ASB3: variants seen among roughly 807,000 people sequenced by gnomAD.
ASB3 encodes the protein ankyrin repeat and SOCS box protein 3.
ASB3 carries 41 observed loss-of-function variants against 54.5 expected under a neutral mutation model. That is an observed-to-expected ratio of 0.75 (90% CI 0.59 to 0.98). The LOEUF (loss-of-function observed/expected upper bound fraction) is 0.98, where lower values mean the gene tolerates loss of function less well. Among genes scored for constraint, ASB3 ranks in the 50% least tolerant of loss-of-function variants. The pLI is 0.00. For synonymous variants in ASB3, 266 were observed against 221.2 expected (o/e 1.20, Z -1.80); for missense variants, 733 against 620.0 (o/e 1.18, Z -1.94).
intron 2 of ASB3, among the ~76,000 whole-genome samples, chr2:53,759,131 G>T (rs574872891): frequency 2.6e-5 from 4 of 152,194 alleles, no homozygotes; most frequent in Non-Finnish European, 5.9e-5. Flanking sequence ...TCAATGATAG[G>T]ATGACAACAG....
chr2:53,755,099 T>C (rs993416650), intron 2 of ASB3, among the ~76,000 whole-genome samples: 5 of 152,208 alleles, frequency 3.3e-5, no homozygotes, highest in African/African-American at 9.7e-5. Context: ...TCTCAACTTA[T>C]TGAAACTTTA....
intron 1 of ASB3, among the ~76,000 whole-genome samples, chr2:53,777,764 T>G (rs1386315677): frequency 1.3e-5 from 2 of 152,234 alleles, no homozygotes; most frequent in Non-Finnish European, 2.9e-5. Context: ...TAGATGGTAT[T>G]TTCACAATAT....
At chr2:53,744,881 G>T (rs1012484827) in intron 3 of ASB3, among the ~76,000 whole-genome samples, 1 of 152,148 alleles carries the variant, frequency 6.6e-6, no homozygotes, top group African/African-American at 2.4e-5. Flanking sequence ...ATTGAAATAG[G>T]CAGCCTCACC....
intron 1 of ASB3, among the ~76,000 whole-genome samples, chr2:53,769,362 C>T (rs1182912487): frequency 1.3e-5 from 2 of 152,132 alleles, no homozygotes; most frequent in Admixed American, 1.3e-4. Context: ...GAAAAGAAAA[C>T]CTTTAGCCCA....
At chr2:53,737,416 G>C (rs897934082) in intron 3 of ASB3, among the ~76,000 whole-genome samples, 4 of 152,144 alleles carry the variant, frequency 2.6e-5, no homozygotes, top group African/African-American at 9.7e-5. Flanking sequence ...CCCTAGAGAA[G>C]AGTGAATTGT....
chr2:53,699,364 A>G (rs1363006105), intron 8 of ASB3, among the ~76,000 whole-genome samples: 4 of 152,210 alleles, frequency 2.6e-5, no homozygotes, highest in African/African-American at 7.2e-5. Flanking sequence ...GACAGTTTCT[A>G]TGTTTTGGTT....
chr2:53,731,954 C>T (rs1671343507), intron 3 of ASB3, among the ~76,000 whole-genome samples: 1 of 151,802 alleles, frequency 6.6e-6, no homozygotes, highest in South Asian at 2.1e-4. Flanking sequence ...CACTTGGCCC[C>T]CACAACAGTT....
intron 9 of ASB3, among the ~76,000 whole-genome samples, chr2:53,672,523 G>C (rs1195017976): frequency 1.3e-5 from 2 of 152,168 alleles, no homozygotes; most frequent in Non-Finnish European, 2.9e-5. Flanking sequence ...CAACTATCAA[G>C]TATAAGGAAG....
chr2:53,743,800 C>T (rs10211188), intron 3 of ASB3, among the ~76,000 whole-genome samples: 25,551 of 152,110 alleles, frequency 0.17, 2,351 homozygotes, highest in African/African-American at 0.25. Context: ...CCCAGTTCTT[C>T]GGGAGGCCGA....
intron 9 of ASB3, among the ~76,000 whole-genome samples, chr2:53,672,093 T>C (rs998897091): frequency 3.9e-5 from 6 of 152,220 alleles, no homozygotes; most frequent in Non-Finnish European, 7.3e-5. Flanking sequence ...TAACTCATCA[T>C]CGTTTTTAGT....
rs894525309 is a variant in ASB3 at position 53,782,650 on chromosome 2, T to C, written c.-14+4171A>G. Among the ~76,000 whole-genome samples, 6 of 152,298 alleles carry C rather than the reference T, an allele frequency of 3.9e-5. No individual in the cohort carries two copies. The South Asian group carries it at 1.2e-3, about 32-fold the overall frequency. ...CTGGAAGCCTTTGAGCATCTTCATG[T>C]TCCATAACAAAGCATTCCTTATTTG... On this transcript the variant is annotated intron_variant, in intron 1 of 9. Transcript: ENST00000263634.
Position 53,765,834 on chromosome 2 carries a change from TC to T in ASB3, c.-13-250del, listed in dbSNP as rs1406618069. On this transcript the variant is annotated intron_variant, in intron 1 of 9. Transcript: ENST00000263634. ...CATGAAGGGACTTTTAAGTGTTCTATCTTTCCTCCTCTGGAAATGTTTGAGG... is the reference window on the plus strand; with the variant it reads ...CATGAAGGGACTTTTAAGTGTTCTATTTTCCTCCTCTGGAAATGTTTGAGG... Among the ~76,000 whole-genome samples, 4 of 152,330 alleles carry T rather than the reference TC, an allele frequency of 2.6e-5. No individual in the cohort carries two copies. The East Asian group carries it at 7.7e-4, about 29-fold the overall frequency.
At chr2:53,684,938 A>G (rs1028458853) in intron 9 of ASB3, among the ~76,000 whole-genome samples, 1 of 152,202 alleles carries the variant, frequency 6.6e-6, no homozygotes, top group Admixed American at 6.5e-5. Flanking sequence ...TAAAAGGAGC[A>G]GGGGAGGAAT....
chr2:53,708,175 C>G (rs1669895135), intron 7 of ASB3, among the ~76,000 whole-genome samples: 1 of 151,928 alleles, frequency 6.6e-6, no homozygotes, highest in South Asian at 2.1e-4. Context: ...TAGCACCATC[C>G]CCCTCGGTAG....
At chr2:53,782,800 T>C (rs1674723179) in intron 1 of ASB3, among the ~76,000 whole-genome samples, 1 of 152,166 alleles carries the variant, frequency 6.6e-6, no homozygotes, top group Non-Finnish European at 1.5e-5. Flanking sequence ...AATTTTTTTT[T>C]TTTTAGATGA....
chr2:53,675,371 T>C (rs754596904), intron 9 of ASB3, among the ~76,000 whole-genome samples: 15 of 152,216 alleles, frequency 9.9e-5, no homozygotes, highest in African/African-American at 1.4e-4. Context: ...AAATAAGATA[T>C]ATACTTTAAA....
chr2:53,723,238 A>G lies in ASB3; in HGVS notation c.604+5474T>C, dbSNP rs530283157. On this transcript the variant is annotated intron_variant, in intron 5 of 9. Coordinates refer to ENST00000263634, the MANE Select transcript of ASB3 (RefSeq NM_016115.5). ...CGCTGCTCACGGATTGCAAAAATCA[A>G]TATCATTTTAAAAAATACCCATACT... is the stretch of plus-strand genomic sequence containing the variant. 6.6e-5 allele frequency among the ~76,000 whole-genome samples: 10 copies of G among 152,360 alleles called. No individual in the cohort carries two copies. In the South Asian group the frequency reaches 1.7e-3, roughly 25 times the overall value.
chr2:53,707,814 T>C (rs1361933969), intron 7 of ASB3, among the ~76,000 whole-genome samples: 1 of 151,564 alleles, frequency 6.6e-6, no homozygotes, highest in Admixed American at 6.6e-5. Flanking sequence ...ATACAAAAAT[T>C]AGCCGGGTAT....
At chr2:53,734,093 T>A (rs1025644300) in intron 3 of ASB3, among the ~76,000 whole-genome samples, 1 of 152,208 alleles carries the variant, frequency 6.6e-6, no homozygotes, top group Non-Finnish European at 1.5e-5. Flanking sequence ...CTTGCCCTCA[T>A]TCCGGTAAAC....
Sources: allele counts gnomAD v4.1 joint callset (sites outside exome capture counted in the v4.1 genomes callset), GRCh38; gene constraint gnomAD v4.1.1; transcripts MANE v1.5; gene names NCBI Gene and HGNC (gene_info 2026-07-23, HGNC 2026-07-21).